The following ME1 variants were observed in gnomAD, a reference collection of about 807,000 sequenced individuals.
ME1 encodes the protein malic enzyme 1.
A neutral mutation model predicts 66.4 loss-of-function variants in ME1; 74 were observed. That is an observed-to-expected ratio of 1.11 (90% CI 0.92 to 1.35). The LOEUF is 1.35. Ranked by LOEUF, ME1 falls within the 40% of genes most tolerant of loss-of-function variation. ME1 has a pLI of 0.00. For missense variants in ME1, 750 were observed against 694.1 expected (o/e 1.08, Z -0.90); for synonymous variants, 251 against 235.6 (o/e 1.07, Z -0.60).
chr6:83,360,881 T>A (rs1562490203), intron 3 of ME1, among the ~76,000 whole-genome samples: 1 of 152,210 alleles, frequency 6.6e-6, no homozygotes, highest in African/African-American at 2.4e-5. Context: ...AATTAACACA[T>A]CTCCTGGTTC....
intron 6 of ME1, among the ~76,000 whole-genome samples, chr6:83,310,029 A>G (rs371980286): frequency 4.8e-4 from 73 of 152,210 alleles, no homozygotes; most frequent in Non-Finnish European, 8.1e-4. Context: ...GGCCAGTACT[A>G]GGAAATGGAT....
At position 83,230,600 on chromosome 6, in the gene ME1, T is replaced by C. The variant is rs190711057; in HGVS notation, c.1027-1669A>G. ...TTGTGAAGAAGAAAAAAATCATAAT[T>C]CCAGCACTTAAAGTTTTGGTATATT... On this transcript the variant is annotated intron_variant, in intron 9 of 13. Coordinates refer to ENST00000369705, the MANE Select transcript of ME1 (RefSeq NM_002395.6). Among the ~76,000 whole-genome samples the C allele has an allele frequency of 4.6e-5, 7 of 152,220 alleles. No homozygotes were observed. In the East Asian group the frequency reaches 1.4e-3, roughly 29 times the overall value.
rs1001227276 is a variant in ME1, at chr6:83,315,328, A to G, written c.686T>C (p.Met229Thr). The change falls in exon 6 of 14, where the codon ATG becomes ACG. Residue 229 changes from methionine (M) to threonine (T), a missense_variant. Transcript: ENST00000369705. ...SEYDDFLDEF[M>T]EAVSSKYGMN... ...TACATACTTGGAAGAAACTGCCTCC[A>G]TGAATTCGTCCAAAAAATCATCATA... is the stretch of plus-strand genomic sequence containing the variant. The G allele has an allele frequency of 1.9e-6, 3 of 1,607,848 alleles. No individual in the cohort carries two copies. In the African/African-American group the frequency reaches 4.0e-5, roughly 22 times the overall value.
intron 12 of ME1, 25 bp from the exon 13 acceptor site, chr6:83,216,621 A>C: frequency 1.3e-6 from 2 of 1,510,050 alleles, no homozygotes; most frequent in Non-Finnish European, 1.8e-6. Flanking sequence ...AAAGAAAAAA[A>C]GTGTTTATAC....
chr6:83,385,580 AAAGAT>A (rs1398302230), intron 3 of ME1, among the ~76,000 whole-genome samples: 2 of 151,952 alleles, frequency 1.3e-5, no homozygotes, highest in African/African-American at 4.8e-5. Flanking sequence ...TTTTACAGTA[AAAGAT>A]AAGTTTCACT....
At position 83,342,877 on chromosome 6, in the gene ME1, T is replaced by C. The variant is rs1479459135; in HGVS notation, c.600+3296A>G. 2.6e-5 allele frequency among the ~76,000 whole-genome samples: 4 copies of C among 152,102 alleles called. No homozygotes were observed. The East Asian group carries it at 7.8e-4, about 30-fold the overall frequency. On this transcript the variant is annotated intron_variant, in intron 5 of 13. Coordinates refer to ENST00000369705, the MANE Select transcript of ME1 (RefSeq NM_002395.6). ...AATTTTGTATTTTTAGTATACGGGTTTTCTCTATGTTGCTCAGGCTGGTCT... is the reference window on the plus strand; with the variant it reads ...AATTTTGTATTTTTAGTATACGGGTCTTCTCTATGTTGCTCAGGCTGGTCT...
At chr6:83,344,653 G>A (rs1245814685) in intron 5 of ME1, among the ~76,000 whole-genome samples, 1 of 152,094 alleles carries the variant, frequency 6.6e-6, no homozygotes, top group Admixed American at 6.6e-5. Flanking sequence ...GGAGGGCGAG[G>A]TGGACAGATC....
At chr6:83,328,886 T>C (rs1145901) in intron 5 of ME1, among the ~76,000 whole-genome samples, 48,722 of 151,760 alleles carry the variant, frequency 0.32, 8,196 homozygotes, top group Middle Eastern at 0.49. Context: ...AAGTAAGGAA[T>C]AAGACATATG....
intron 5 of ME1, among the ~76,000 whole-genome samples, chr6:83,331,266 G>A (rs1768402561): frequency 6.6e-6 from 1 of 152,036 alleles, no homozygotes; most frequent in Non-Finnish European, 1.5e-5. Flanking sequence ...ATTAGAGTGG[G>A]CCCTAATCCA....
intron 6 of ME1, among the ~76,000 whole-genome samples, chr6:83,261,222 C>CT (rs1281734169): frequency 1.3e-5 from 2 of 152,032 alleles, no homozygotes; most frequent in African/African-American, 4.8e-5. Flanking sequence ...TGATATTGAG[C>CT]TTTTTTTCAT....
chr6:83,296,319 C>T (rs1176533330), intron 6 of ME1, among the ~76,000 whole-genome samples: 1 of 152,184 alleles, frequency 6.6e-6, no homozygotes, highest in East Asian at 1.9e-4. Flanking sequence ...AGTTACTCCA[C>T]TACGATCAAG....
chr6:83,369,372 G>A (rs781778672), intron 3 of ME1, among the ~76,000 whole-genome samples: 2 of 152,016 alleles, frequency 1.3e-5, no homozygotes, highest in African/African-American at 2.4e-5. Flanking sequence ...GAGGGTTTTG[G>A]CCTAACAGAT....
intron 7 of ME1, among the ~76,000 whole-genome samples, chr6:83,244,014 A>T (rs898024326): frequency 6.6e-6 from 1 of 150,826 alleles, no homozygotes; most frequent in African/African-American, 2.4e-5. Flanking sequence ...GGAAAGGGTC[A>T]TTGGAGTATA....
intron 6 of ME1, among the ~76,000 whole-genome samples, chr6:83,271,293 T>C (rs1030961791): frequency 1.3e-5 from 2 of 152,102 alleles, no homozygotes; most frequent in African/African-American, 4.8e-5. Flanking sequence ...CAGACACAAA[T>C]TGTCTGAAAA....
intron 6 of ME1, among the ~76,000 whole-genome samples, chr6:83,256,897 T>C (rs146753030): frequency 3.9e-5 from 6 of 152,222 alleles, no homozygotes; most frequent in African/African-American, 1.4e-4. Context: ...TGCAAGGACA[T>C]GGATGAAGCT....
chr6:83,325,701 C>T (rs547892174), intron 5 of ME1, among the ~76,000 whole-genome samples: 5 of 151,314 alleles, frequency 3.3e-5, no homozygotes, highest in Admixed American at 2.0e-4. Context: ...AACCACTGCT[C>T]GAGGAAATAA....
chr6:83,360,860 T>C (rs748045196), intron 3 of ME1, among the ~76,000 whole-genome samples: 4 of 152,252 alleles, frequency 2.6e-5, no homozygotes, highest in Non-Finnish European at 5.9e-5. Context: ...TGTGGTTTCA[T>C]TGCTTGAGCA....
intron 3 of ME1, among the ~76,000 whole-genome samples, chr6:83,385,159 C>T (rs1769483018): frequency 6.6e-6 from 1 of 151,808 alleles, no homozygotes; most frequent in Non-Finnish European, 1.5e-5. Context: ...ATATCAATGA[C>T]ACTTCAAAAC....
At chr6:83,413,457 A>G (rs1404267888) in intron 1 of ME1, among the ~76,000 whole-genome samples, 1 of 152,048 alleles carries the variant, frequency 6.6e-6, no homozygotes, top group African/African-American at 2.4e-5. Context: ...GACCTTGCAA[A>G]TAATATAGTA....
Sources: allele counts gnomAD v4.1 joint callset (sites outside exome capture counted in the v4.1 genomes callset), GRCh38; gene constraint gnomAD v4.1.1; transcripts MANE v1.5; gene names NCBI Gene and HGNC (gene_info 2026-07-23, HGNC 2026-07-21).